The following BMP7 variants were observed in gnomAD, a reference collection of about 807,000 sequenced individuals.
BMP7 encodes bone morphogenetic protein 7, also known as osteogenic protein 1.
A neutral mutation model predicts 41.2 loss-of-function variants in BMP7; 12 were observed. The observed-to-expected ratio is 0.29, with a 90% CI of 0.19 to 0.47. The LOEUF (loss-of-function observed/expected upper bound fraction) is 0.47. Ranked by LOEUF, BMP7 falls within the 20% of genes least tolerant of loss-of-function variation. The pLI is 0.99. For synonymous variants in BMP7, 248 were observed against 250.0 expected (o/e 0.99, Z 0.07); for missense variants, 467 against 606.0 (o/e 0.77, Z 2.41).
chr20:57,240,650 T>TA (rs2066065058), intron 1 of BMP7, among the ~76,000 whole-genome samples: 1 of 152,160 alleles, frequency 6.6e-6, no homozygotes, highest in Non-Finnish European at 1.5e-5. Context: ...TAATTGGACT[T>TA]ACAGTTCCAC....
intron 2 of BMP7, among the ~76,000 whole-genome samples, chr20:57,218,973 A>ATAGCTGGTGTTTGGTGG (rs1985113801): frequency 8.2e-6 from 1 of 121,492 alleles, no homozygotes; most frequent in South Asian, 2.7e-4. Context: ...TTGTTCAGTG[A>ATAGCTGGTGTTTGGTGG]TAGCTGGTGT....
At chr20:57,177,355 A>AT (rs11432352) in intron 4 of BMP7, among the ~76,000 whole-genome samples, 68,739 of 150,752 alleles carry the variant, frequency 0.46, 16,187 homozygotes, top group South Asian at 0.61. Context: ...TTCATCAGCA[A>AT]TTTTTTTTTT....
chr20:57,242,981 C>T (rs570901577), intron 1 of BMP7, among the ~76,000 whole-genome samples: 1 of 151,940 alleles, frequency 6.6e-6, no homozygotes, highest in South Asian at 2.1e-4. Context: ...CCAGCCTGGG[C>T]AACAGAGCAA....
intron 4 of BMP7, among the ~76,000 whole-genome samples, chr20:57,176,962 C>T (rs904824011): frequency 2.0e-5 from 3 of 152,124 alleles, no homozygotes; most frequent in East Asian, 1.9e-4. Context: ...AGGACATCGC[C>T]GAACTCCCTT....
intron 2 of BMP7, among the ~76,000 whole-genome samples, chr20:57,225,158 G>A (rs1286292264): frequency 1.3e-5 from 2 of 152,280 alleles, no homozygotes; most frequent in African/African-American, 2.4e-5. Context: ...AAGAAGCTGT[G>A]CGGGCCCAGG....
At chr20:57,264,667 C>T (rs1450746544) in intron 1 of BMP7, among the ~76,000 whole-genome samples, 5 of 152,192 alleles carry the variant, frequency 3.3e-5, no homozygotes, top group Non-Finnish European at 7.3e-5. Context: ...CTGTGGTTTG[C>T]GCGCCACACG....
At chr20:57,189,131 T>C (rs1012308117) in intron 3 of BMP7, among the ~76,000 whole-genome samples, 1 of 152,248 alleles carries the variant, frequency 6.6e-6, no homozygotes, top group Non-Finnish European at 1.5e-5. Flanking sequence ...GTCCCTGTTA[T>C]TCCTTGAAAT....
rs188372963 is a variant in BMP7, at chr20:57,206,440, C to G, written c.612-3817G>C. 9.6e-3 allele frequency among the ~76,000 whole-genome samples: 1,469 copies of G among 152,298 alleles called. 15 individuals carry two copies. The highest frequency in any genetic ancestry group is 0.027 in the Middle Eastern group (8 of 294). Reference sequence around the variant, plus strand: ...GGACACACCTGATAAGTGGCAGAACCAGGCGACAGCGCAGGAAACCTGACT... The same window carrying G: ...GGACACACCTGATAAGTGGCAGAACGAGGCGACAGCGCAGGAAACCTGACT... On this transcript the variant is annotated intron_variant, in intron 2 of 6. Coordinates refer to ENST00000395863, the MANE Select transcript of BMP7 (RefSeq NM_001719.3).
chr20:57,209,249 T>TTTTATATA (rs1407204884), intron 2 of BMP7, among the ~76,000 whole-genome samples: 19 of 94,868 alleles, frequency 2.0e-4, no homozygotes, highest in African/African-American at 4.1e-4. Flanking sequence ...TTATATATTT[T>TTTTATATA]TATATATATA....
rs942279699 is a variant in BMP7 at position 57,261,915 on chromosome 20, G to T, written c.418+3790C>A. Among the ~76,000 whole-genome samples, 2 of 152,242 alleles carry T rather than the reference G, an allele frequency of 1.3e-5. No homozygotes were observed. Among genetic ancestry groups the T allele is most frequent in the East Asian group, 1.9e-4 (1 of 5,204 alleles). ...ATGCCAAACACTTGTCAACAAAAAG[G>T]ACAGCCAGATGGCATAAAGCAAAAA... On this transcript the variant is annotated intron_variant, in intron 1 of 6. Coordinates refer to ENST00000395863, the MANE Select transcript of BMP7 (RefSeq NM_001719.3). This position sits in a 1 kb window ranked among gnomAD's most constrained non-coding sequence, Gnocchi z 4.1.
chr20:57,176,641 G>A (rs1430915369), intron 4 of BMP7, among the ~76,000 whole-genome samples: 1 of 152,052 alleles, frequency 6.6e-6, no homozygotes, highest in East Asian at 1.9e-4. Flanking sequence ...AATGAAGAGA[G>A]CTCCTATAAC....
At chr20:57,249,750 T>C (rs1273785838) in intron 1 of BMP7, among the ~76,000 whole-genome samples, 8 of 152,316 alleles carry the variant, frequency 5.3e-5, no homozygotes, top group Middle Eastern at 3.4e-3. Flanking sequence ...TCCATTGATA[T>C]TGGTCTACTG....
At chr20:57,254,713 C>T (rs777815594) in intron 1 of BMP7, among the ~76,000 whole-genome samples, 7 of 151,936 alleles carry the variant, frequency 4.6e-5, no homozygotes, top group Non-Finnish European at 1.0e-4. Context: ...ATTCCATATC[C>T]CCTCCCAGAG....
In BMP7 at chr20:57,169,931, A is replaced by T. The variant is rs1983777297; in HGVS notation, c.*1028T>A. ...GCCACCATGCCCGGCTAATTTTTGT[A>T]TTTTTAGTAGAGATGGGGTTTCACC... On this transcript the variant is annotated 3_prime_UTR_variant, in exon 7 of 7. Transcript: ENST00000395863. The T allele has an allele frequency of 6.6e-6, 1 of 151,910 alleles. No homozygotes were observed. Among genetic ancestry groups the T allele is most frequent in the African/African-American group, 2.4e-5 (1 of 41,308 alleles). The allele number at this position is 151,910 out of a possible 1,614,324, so 9.4% of individuals were successfully genotyped here.
intron 3 of BMP7, among the ~76,000 whole-genome samples, chr20:57,188,543 T>C (rs1366097334): frequency 1.5e-5 from 2 of 134,558 alleles, no homozygotes; most frequent in East Asian, 2.1e-4. Context: ...AATGAGAATA[T>C]ACTAAAAAAA....
At chr20:57,246,744 T>C (rs1252877412) in intron 1 of BMP7, among the ~76,000 whole-genome samples, 1 of 152,166 alleles carries the variant, frequency 6.6e-6, no homozygotes, top group African/African-American at 2.4e-5. Context: ...ATCCCAGCAC[T>C]TTGGGAGGCC....
intron 1 of BMP7, among the ~76,000 whole-genome samples, chr20:57,255,798 T>TAAA: frequency 1.7e-4 from 2 of 11,642 alleles, no homozygotes; most frequent in Non-Finnish European, 2.5e-4. Flanking sequence ...AGACTCCATC[T>TAAA]CAAAAAAAAA....
intron 3 of BMP7, among the ~76,000 whole-genome samples, chr20:57,196,173 T>A (rs371471492): frequency 6.6e-6 from 1 of 152,194 alleles, no homozygotes; most frequent in East Asian, 1.9e-4. Context: ...AATGACCTGG[T>A]GCTTCCATGT....
chr20:57,206,941 A>G (rs1013056226), intron 2 of BMP7, among the ~76,000 whole-genome samples: 1 of 152,230 alleles, frequency 6.6e-6, no homozygotes, highest in Admixed American at 6.5e-5. Flanking sequence ...TTGGACTCCA[A>G]AATTTGTCAG....
Sources: gnomAD v4.1 joint callset for allele counts (sites outside exome capture counted in the v4.1 genomes callset) on GRCh38, gnomAD v4.1.1 for gene constraint, Gnocchi (gnomAD v3.1) non-coding constraint, MANE v1.5 for transcripts, NCBI Gene and HGNC (gene_info 2026-07-23, HGNC 2026-07-21) for gene names.